NOXA1: variants seen among roughly 807,000 people sequenced by gnomAD.
NOXA1 encodes the protein NCF2-like protein.
A neutral mutation model predicts 64.8 loss-of-function variants in NOXA1; 56 were observed. The ratio of observed to expected loss-of-function variants is 0.86; its 90% CI spans 0.70 to 1.08. NOXA1 has a LOEUF of 1.08. Among genes scored for constraint, NOXA1 ranks in the 50% least tolerant of loss-of-function variants. The pLI, the probability that NOXA1 is intolerant of heterozygous loss-of-function variation, is 0.00. For missense variants in NOXA1, 668 were observed against 658.5 expected (o/e 1.01, Z -0.16); for synonymous variants, 295 against 294.8 (o/e 1.00, Z -0.01).
chr9:137,427,989 C>T (rs1838910788), intron 2 of NOXA1, 44 bp from the exon 3 acceptor site: 13 of 1,358,000 alleles, frequency 9.6e-6, no homozygotes, highest in Non-Finnish European at 1.3e-5. Context: ...AACCACAGCC[C>T]CATCTCCGCC....
Position 137,431,190 on chromosome 9 carries a change from G to A in NOXA1, c.699-46G>A, listed in dbSNP as rs377285152. The A allele has an allele frequency of 6.2e-7, 1 of 1,609,706 alleles. No individual in the cohort carries two copies. On this transcript the variant is annotated intron_variant, in intron 7 of 13. Coordinates refer to ENST00000683555, the MANE Select transcript of NOXA1 (RefSeq NM_001256067.2). The surrounding 1 kb of genome is among the most constrained non-coding windows in gnomAD (Gnocchi z 5.6). ...GGGGCCACGCGGGCCGGGCACAGGA[G>A]GGCAGTCAGATGGGCAGGGCCTGAG...
At chr9:137,426,682 A>T (rs1838859249) in intron 2 of NOXA1, among the ~76,000 whole-genome samples, 1 of 152,204 alleles carries the variant, frequency 6.6e-6, no homozygotes, top group South Asian at 2.1e-4. Context: ...TCTGTGGGGA[A>T]GTGGATCACA....
Position 137,431,437 on chromosome 9 carries a change from G to A in NOXA1, c.804+96G>A. ...AATGGGACCAACATGAGGGTGGAGG[G>A]AGCAGCTCGCTGGGGGGTAGACGGG... On this transcript the variant is annotated intron_variant, in intron 8 of 13. Transcript: ENST00000683555. This position sits in a 1 kb window ranked among gnomAD's most constrained non-coding sequence, Gnocchi z 5.6. 1.9e-6 allele frequency: 2 copies of A among 1,046,686 alleles called. No individual in the cohort carries two copies. The highest frequency in any genetic ancestry group is 2.9e-6 in the Non-Finnish European group (2 of 700,248). 64.8% of individuals were successfully genotyped at this position (1,046,686 alleles called of 1,614,324 possible). A position where few individuals can be genotyped will look rare whatever the true frequency, so the allele number is the denominator to read the frequency against.
intron 10 of NOXA1, 71 bp from the exon 11 acceptor site, chr9:137,433,382 T>C: frequency 9.9e-6 from 15 of 1,519,518 alleles, no homozygotes; most frequent in Non-Finnish European, 1.3e-5. Flanking sequence ...TCCACACCCC[T>C]CGGGCTGAAG....
At chr9:137,432,042 A>G (rs1839130163) in intron 8 of NOXA1, among the ~76,000 whole-genome samples, 2 of 152,110 alleles carry the variant, frequency 1.3e-5, no homozygotes, top group South Asian at 4.1e-4. Context: ...GTTTGGAACT[A>G]TTTGCCCAGT....
intron 2 of NOXA1, 133 bp from the exon 3 acceptor site, chr9:137,427,900 C>T (rs934777382): frequency 3.2e-6 from 2 of 632,160 alleles, no homozygotes; most frequent in Middle Eastern, 4.1e-4. Context: ...CAGACCTAGG[C>T]ACCGCACTGC....
Position 137,431,990 on chromosome 9 carries a change from G to C in NOXA1, c.804+649G>C, listed in dbSNP as rs1839128446. On this transcript the variant is annotated intron_variant, in intron 8 of 13. Coordinates refer to ENST00000683555, the MANE Select transcript of NOXA1 (RefSeq NM_001256067.2). The surrounding 1 kb of genome is among the most constrained non-coding windows in gnomAD (Gnocchi z 5.6). ...CCAGTTTAACCGTGGCATCCCGGGG[G>C]CAAGGGCGCCCTCCAAGCTGTGCTT... Among the ~76,000 whole-genome samples, 1 of 152,198 alleles carries C rather than the reference G, an allele frequency of 6.6e-6. No individual in the cohort carries two copies. The highest frequency in any genetic ancestry group is 2.4e-5 in the African/African-American group (1 of 41,442).
At chr9:137,424,324 C>G (rs1042947876) in intron 1 of NOXA1, among the ~76,000 whole-genome samples, 2 of 152,250 alleles carry the variant, frequency 1.3e-5, no homozygotes, top group African/African-American at 4.8e-5. Context: ...GTCTCCACGC[C>G]CCTGACTGGC....
In NOXA1 at chr9:137,433,517, C is replaced by T; in HGVS notation, c.974C>T (p.Ala325Val). Residue 325 changes from alanine (A) to valine (V), a missense_variant, in exon 11 of 14, where the codon GCC (alanine) becomes GTC (valine). By Grantham distance (64) the Ala-to-Val change is moderately conservative (BLOSUM62 0). Coordinates refer to ENST00000683555, the MANE Select transcript of NOXA1 (RefSeq NM_001256067.2). Reference protein sequence around the residue: ...TVTVQCAFTVALRARRGADLS... With the variant: ...TVTVQCAFTVVLRARRGADLS... ...ACCGTGCAGTGCGCCTTCACAGTGGCCCTGAGGGCACGAAGAGGAGCCGAC... is the reference window on the plus strand; with the variant it reads ...ACCGTGCAGTGCGCCTTCACAGTGGTCCTGAGGGCACGAAGAGGAGCCGAC... 1.2e-6 allele frequency: 2 copies of T among 1,600,288 alleles called. No homozygotes were observed. Among genetic ancestry groups the T allele is most frequent in the Non-Finnish European group, 1.7e-6 (2 of 1,176,918 alleles).
intron 12 of NOXA1, 47 bp from the exon 13 acceptor site, chr9:137,433,918 C>T: frequency 1.3e-6 from 2 of 1,508,772 alleles, no homozygotes; most frequent in Non-Finnish European, 8.9e-7. Context: ...GTGGAGGCCC[C>T]TCCTCCCAGT....
intron 1 of NOXA1, among the ~76,000 whole-genome samples, chr9:137,425,685 C>T (rs976104959): frequency 5.9e-5 from 9 of 152,128 alleles, no homozygotes; most frequent in African/African-American, 2.2e-4. Flanking sequence ...CATGCCCGGC[C>T]TGTAATGCAG....
intron 1 of NOXA1, 68 bp downstream of exon 1, chr9:137,423,774 G>T (rs563333175): frequency 1.7e-6 from 2 of 1,164,292 alleles, no homozygotes; most frequent in South Asian, 8.0e-5. Context: ...AGGGCCCAGC[G>T]CCCCTCCCCG....
chr9:137,430,804 C>A lies in NOXA1; in HGVS notation c.633C>A (p.Pro211=). The A allele has an allele frequency of 6.3e-7, 1 of 1,595,178 alleles. No homozygotes were observed. ...GCCAGGTGGTGGCCTCTGCCATCCC[C>A]GACGACCAGGGCTGGGGCGTCCGCC... ...GKAKVVASAI[P]DDQGWGVRPQ... is the part of the protein sequence containing the mutation. Residue 211 remains proline (P), a synonymous_variant, in exon 6 of 14, where the codon CCC becomes CCA. Transcript: ENST00000683555.
Position 137,428,900 on chromosome 9 carries a change from T to A in NOXA1, c.388T>A (p.Ser130Thr), listed in dbSNP as rs549201086. The A allele has an allele frequency of 2.5e-5, 40 of 1,589,148 alleles. No homozygotes were observed. The South Asian group carries it at 4.2e-4, about 17-fold the overall frequency. The change falls in exon 4 of 14, where the codon TCG becomes ACG. Residue 130 changes from serine to threonine, a missense_variant. Transcript: ENST00000683555. ...CTCCCAGGTGCTACACAATGTGGCGTCGGCACAGTGCCAGCTGGGGCTCTG... is the reference window on the plus strand; with the variant it reads ...CTCCCAGGTGCTACACAATGTGGCGACGGCACAGTGCCAGCTGGGGCTCTG... ...QAWEVLHNVA[S>T]AQCQLGLWTE...
In NOXA1 at chr9:137,424,975, A is replaced by T. The variant is rs1838788072; in HGVS notation, c.177+1269A>T. 2.0e-5 allele frequency among the ~76,000 whole-genome samples: 3 copies of T among 152,252 alleles called. No homozygotes were observed. The South Asian group carries it at 6.2e-4, about 31-fold the overall frequency. On this transcript the variant is annotated intron_variant, in intron 1 of 13. Transcript: ENST00000683555. ...ACAGCTATGATTCATAAAGCCGATC[A>T]CGTGAGGGGCAGCCCAGGGTGCAGA...
intron 4 of NOXA1, 45 bp from the exon 5 acceptor site, chr9:137,429,231 G>A: frequency 7.0e-7 from 1 of 1,433,622 alleles, no homozygotes; most frequent in South Asian, 1.3e-5. Flanking sequence ...CTGCAGGCCT[G>A]GTTGGTCACC....
intron 2 of NOXA1, among the ~76,000 whole-genome samples, chr9:137,426,697 C>T (rs1000945725): frequency 2.0e-5 from 3 of 152,130 alleles, no homozygotes; most frequent in African/African-American, 7.2e-5. Context: ...ATCACAGTCC[C>T]GAGAGCCTCG....
chr9:137,426,211 A>G (rs1329896391), intron 1 of NOXA1, 37 bp from the exon 2 acceptor site: 1 of 1,575,302 alleles, frequency 6.3e-7, no homozygotes, highest in Admixed American at 1.7e-5. Context: ...TGACCAGGTT[A>G]CAGACCTTGG....
At chr9:137,433,357 C>T in intron 10 of NOXA1, 94 bp downstream of exon 10, 3 of 1,491,746 alleles carry the variant, frequency 2.0e-6, no homozygotes, top group Non-Finnish European at 2.7e-6. Context: ...GCCCCCCTCA[C>T]CTGCCCAGTC....
Sources: gnomAD v4.1 joint callset for allele counts (sites outside exome capture counted in the v4.1 genomes callset) on GRCh38, gnomAD v4.1.1 for gene constraint, Gnocchi (gnomAD v3.1) non-coding constraint, MANE v1.5 for transcripts, NCBI Gene and HGNC (gene_info 2026-07-23, HGNC 2026-07-21) for gene names.